C20orf96: variants seen among roughly 807,000 people sequenced by gnomAD.
The protein encoded by C20orf96 is chromosome 20 open reading frame 96.
C20orf96 carries 57 observed loss-of-function variants against 52.6 expected under a neutral mutation model. That is an observed-to-expected ratio of 1.08 (90% CI 0.88 to 1.35). The LOEUF (loss-of-function observed/expected upper bound fraction) is 1.35, where lower values mean the gene tolerates loss of function less well. Ranked by LOEUF, C20orf96 falls within the 40% of genes most tolerant of loss-of-function variation. The pLI is 0.00. For missense variants in C20orf96, 478 were observed against 443.6 expected, an observed-to-expected ratio of 1.08 and a Z score of -0.70; for synonymous variants, 168 against 157.2, an observed-to-expected ratio of 1.07 and a Z score of -0.51.
intron 10 of C20orf96, among the ~76,000 whole-genome samples, chr20:272,887 G>A (rs916032902): frequency 7.2e-5 from 11 of 152,078 alleles, no homozygotes; most frequent in African/African-American, 2.7e-4. Flanking sequence ...TCTTGGCCAG[G>A]CCACTTCCCA....
intron 3 of C20orf96, among the ~76,000 whole-genome samples, chr20:284,699 T>C (rs1361351415): frequency 6.6e-6 from 1 of 152,028 alleles, no homozygotes; most frequent in Non-Finnish European, 1.5e-5. Flanking sequence ...CTATTAAAAA[T>C]ACAAAAAATG....
At chr20:276,456 GT>G in intron 9 of C20orf96, 1 of 985,426 alleles carries the variant, frequency 1.0e-6, no homozygotes, top group Middle Eastern at 5.2e-4. Flanking sequence ...TGATGGTGAA[GT>G]TCATTAACAC....
Position 290,584 on chromosome 20 carries a change from T to TTTTTA in C20orf96, c.20+6_20+7insTAAAA, listed in dbSNP as rs3835237. The TTTTTA allele has an allele frequency of 0.01, 15,615 of 1,526,340 alleles. 306 individuals are homozygous for TTTTTA. The highest frequency in any genetic ancestry group is 0.059 in the African/African-American group (3,677 of 62,210). The allele number at this position is 1,526,340 out of a possible 1,614,324, so 94.5% of individuals were successfully genotyped here. On this transcript the variant is annotated splice_region_variant and intron_variant, in intron 1 of 10. Transcript: ENST00000360321. ...TCCAATTTTTTTTTTTTTTTTTTTT[T>TTTTTA]ACCTACTTTTGTAAGACATGCGCCA...
At chr20:278,620 G>C (rs2012107673) in intron 5 of C20orf96, among the ~76,000 whole-genome samples, 191 bp from the exon 6 acceptor site, 2 of 151,856 alleles carry the variant, frequency 1.3e-5, no homozygotes, top group Admixed American at 1.3e-4. Context: ...CAGATCGCTT[G>C]CTATTACACG....
At chr20:290,121 C>T in intron 2 of C20orf96, 138 bp downstream of exon 2, 1 of 659,316 alleles carries the variant, frequency 1.5e-6, no homozygotes, top group Non-Finnish European at 2.6e-6. Flanking sequence ...GGTCCCACAG[C>T]AAAGTGTGAC....
chr20:290,502 G>C (rs979710972), intron 1 of C20orf96, 89 bp downstream of exon 1: 17 of 1,573,750 alleles, frequency 1.1e-5, no homozygotes, highest in African/African-American at 6.9e-5. Context: ...GGGCGACCTC[G>C]AGGCGAGGGC....
At chr20:285,643 G>A (rs1056895987) in intron 3 of C20orf96, among the ~76,000 whole-genome samples, 13 of 152,162 alleles carry the variant, frequency 8.5e-5, no homozygotes, top group African/African-American at 2.7e-4. Context: ...GTTCAATGGC[G>A]AGATCTCGGC....
chr20:285,286 G>C (rs540801063), intron 3 of C20orf96, among the ~76,000 whole-genome samples: 2 of 152,158 alleles, frequency 1.3e-5, no homozygotes, highest in Non-Finnish European at 1.5e-5. Context: ...GCAATGACAT[G>C]GGACAAATCG....
chr20:287,781 C>T (rs1292750182), intron 3 of C20orf96, among the ~76,000 whole-genome samples: 2 of 151,926 alleles, frequency 1.3e-5, no homozygotes, highest in Admixed American at 1.3e-4. Flanking sequence ...TGGTGGCACA[C>T]GCCTTCAGTC....
Position 270,989 on chromosome 20 carries a change from A to AGGAG in C20orf96, c.*214_*217dup, listed in dbSNP as rs933313420. The AGGAG allele has an allele frequency of 6.0e-6, 3 of 496,568 alleles. No homozygotes were observed. Among genetic ancestry groups the AGGAG allele is most frequent in the Non-Finnish European group, 1.1e-5 (3 of 284,844 alleles). 30.8% of individuals were successfully genotyped at this position (496,568 alleles called of 1,614,324 possible). A position where few individuals can be genotyped will look rare whatever the true frequency, so the allele number is the denominator to read the frequency against. ...AGGAAAAAACCACAGGAAGAAAGAA[A>AGGAG]GGAGGGAGGGAGGGAGAGGAGGAAG... On this transcript the variant is annotated 3_prime_UTR_variant, in exon 11 of 11. Coordinates refer to ENST00000360321, the MANE Select transcript of C20orf96 (RefSeq NM_153269.3).
At chr20:278,693 G>A (rs1437832618) in intron 5 of C20orf96, among the ~76,000 whole-genome samples, 1 of 151,060 alleles carries the variant, frequency 6.6e-6, no homozygotes, top group Non-Finnish European at 1.5e-5. Context: ...TACAGTATGT[G>A]CCCGGTGAAC....
rs1364901067 is a variant in C20orf96 at position 271,099 on chromosome 20, G to C, written c.*108C>G. The stretch of plus-strand genomic sequence containing the variant: ...GGAGGAAGGGCAGAGGGAGCAGGGA[G>C]ACTGTAGATCAGGGTCTGAATGGAG... On this transcript the variant is annotated 3_prime_UTR_variant, in exon 11 of 11. Coordinates refer to ENST00000360321, the MANE Select transcript of C20orf96 (RefSeq NM_153269.3). 4.5e-6 allele frequency: 4 copies of C among 896,650 alleles called. No individual in the cohort carries two copies. The highest frequency in any genetic ancestry group is 7.1e-6 in the Non-Finnish European group (4 of 560,214). The allele number at this position is 896,650 out of a possible 1,614,324, so 55.5% of individuals were successfully genotyped here. A position where few individuals can be genotyped will look rare whatever the true frequency, so the allele number is the denominator to read the frequency against.
At chr20:276,679 G>A (rs2277779) in intron 9 of C20orf96, 114 bp downstream of exon 9, 727,313 of 1,505,002 alleles carry the variant, frequency 0.48, 177,087 homozygotes, top group East Asian at 0.53. Flanking sequence ...CAACACCAGA[G>A]TCAGAGACCT....
At chr20:277,443 G>A (rs1394219646) in intron 6 of C20orf96, 60 bp from the exon 7 acceptor site, 1 of 1,588,030 alleles carries the variant, frequency 6.3e-7, no homozygotes, top group African/African-American at 1.3e-5. Flanking sequence ...TCAAGCACCT[G>A]GGCCCCAGGA....
chr20:271,109 C>G lies in C20orf96; in HGVS notation c.*98G>C. 1 of 1,009,632 alleles carries G rather than the reference C, an allele frequency of 9.9e-7. No homozygotes were observed. The highest frequency in any genetic ancestry group is 1.5e-6 in the Non-Finnish European group (1 of 659,388). 62.5% of individuals were successfully genotyped at this position (1,009,632 alleles called of 1,614,324 possible). ...CAGAGGGAGCAGGGAGACTGTAGAT[C>G]AGGGTCTGAATGGAGATCCGGTCCT... On this transcript the variant is annotated 3_prime_UTR_variant, in exon 11 of 11. Coordinates refer to ENST00000360321, the MANE Select transcript of C20orf96 (RefSeq NM_153269.3).
At chr20:284,123 C>A (rs6046931) in intron 3 of C20orf96, 42 bp from the exon 4 acceptor site, 85,475 of 1,541,680 alleles carry the variant, frequency 0.055, 3,615 homozygotes, top group African/African-American at 0.21. Flanking sequence ...GTGAGGGTCC[C>A]GGAAGGCCTG....
chr20:276,351 A>G (rs3827151), intron 9 of C20orf96: 468,224 of 984,598 alleles, frequency 0.48, 111,773 homozygotes, highest in East Asian at 0.51. Context: ...ATGCTCAATC[A>G]TGGGAATGAA....
At chr20:287,206 C>T (rs2012409352) in intron 3 of C20orf96, among the ~76,000 whole-genome samples, 1 of 152,184 alleles carries the variant, frequency 6.6e-6, no homozygotes. Context: ...GGTCGGATTA[C>T]TAGGAAGTGC....
rs1360564305 is a variant in C20orf96, at chr20:290,649, C to G, written c.-39G>C. 13 of 1,608,814 alleles carry G rather than the reference C, an allele frequency of 8.1e-6. No homozygotes were observed. Among genetic ancestry groups the G allele is most frequent in the Non-Finnish European group, 1.1e-5 (13 of 1,178,720 alleles). On this transcript the variant is annotated 5_prime_UTR_variant, in exon 1 of 11. Coordinates refer to ENST00000360321, the MANE Select transcript of C20orf96 (RefSeq NM_153269.3). The stretch of plus-strand genomic sequence containing the variant: ...AGAGAAGTTGCGAGTCTGTGAGACC[C>G]TGATCTTCTGGTATAACTACTCGGC...
Sources: allele counts gnomAD v4.1 joint callset (sites outside exome capture counted in the v4.1 genomes callset), GRCh38; gene constraint gnomAD v4.1.1; transcripts MANE v1.5; gene names NCBI Gene and HGNC (gene_info 2026-07-23, HGNC 2026-07-21).